Variants in FER1L6 observed in about 807,000 individuals in gnomAD.
The protein encoded by FER1L6 is fer-1 like family member 6, also known as fer-1-like protein 6.
In FER1L6, 177 loss-of-function variants were observed where a neutral mutation model predicts 219.2. The observed-to-expected ratio is 0.81, with a 90% CI of 0.71 to 0.91. The LOEUF (loss-of-function observed/expected upper bound fraction) is 0.91, where lower values mean the gene tolerates loss of function less well. Ranked by LOEUF, FER1L6 falls within the 40% of genes least tolerant of loss-of-function variation. The pLI is 0.00. For missense variants in FER1L6, 2,153 were observed against 2,259.9 expected (o/e 0.95, Z 0.96); for synonymous variants, 768 against 824.3 (o/e 0.93, Z 1.17).
intron 1 of FER1L6, among the ~76,000 whole-genome samples, chr8:123,898,797 A>ATATGTACATACG (rs1554613191): frequency 7.0e-6 from 1 of 143,056 alleles, no homozygotes; most frequent in Non-Finnish European, 1.5e-5. Flanking sequence ...ACATATATAC[A>ATATGTACATACG]TATATACACA....
chr8:124,061,017 G>A (rs559559880), intron 24 of FER1L6, among the ~76,000 whole-genome samples: 4 of 152,262 alleles, frequency 2.6e-5, no homozygotes, highest in South Asian at 2.1e-4. Flanking sequence ...TCTCAGGCCC[G>A]GCTGTTCTGA....
chr8:124,067,656 A>G, intron 27 of FER1L6, 111 bp from the exon 28 acceptor site: 2 of 976,042 alleles, frequency 2.0e-6, no homozygotes, highest in Non-Finnish European at 3.1e-6. Flanking sequence ...GACTGTTTGA[A>G]TACTCTTTTA....
intron 35 of FER1L6, 21 bp from the exon 36 acceptor site, chr8:124,097,250 G>T: frequency 3.1e-6 from 5 of 1,596,198 alleles, no homozygotes; most frequent in Non-Finnish European, 4.3e-6. Flanking sequence ...AGCTAAAGAA[G>T]ATATTTTTTT....
chr8:124,020,363 A>T (rs6983251), intron 16 of FER1L6, among the ~76,000 whole-genome samples: 80,448 of 151,996 alleles, frequency 0.53, 21,792 homozygotes, highest in African/African-American at 0.63. Context: ...AAGTTTGTCA[A>T]GTTCTAGGGC....
intron 22 of FER1L6, among the ~76,000 whole-genome samples, chr8:124,052,165 TG>T (rs1820069371): frequency 6.6e-6 from 1 of 152,224 alleles, no homozygotes; most frequent in African/African-American, 2.4e-5. Context: ...TCAAAACTGT[TG>T]GTCCAGTCTT....
At chr8:124,045,310 T>TTGC (rs1819677846) in intron 20 of FER1L6, among the ~76,000 whole-genome samples, 2 of 152,220 alleles carry the variant, frequency 1.3e-5, no homozygotes, top group African/African-American at 4.8e-5. Flanking sequence ...GTTCTGCCAC[T>TTGC]TGCTGGCTCT....
chr8:123,903,705 G>A (rs966958517), intron 1 of FER1L6, among the ~76,000 whole-genome samples: 5 of 152,136 alleles, frequency 3.3e-5, no homozygotes, highest in Middle Eastern at 3.4e-3. Context: ...CTACGCTTAC[G>A]TATGTTCACA....
chr8:124,045,713 G>A, intron 20 of FER1L6, 54 bp from the exon 21 acceptor site: 1 of 1,592,616 alleles, frequency 6.3e-7, no homozygotes, highest in South Asian at 1.1e-5. Flanking sequence ...GAACCTTAGA[G>A]CCCCTATAAC....
intron 1 of FER1L6, among the ~76,000 whole-genome samples, chr8:123,880,368 G>A (rs1219730934): frequency 6.6e-6 from 1 of 152,154 alleles, no homozygotes; most frequent in Admixed American, 6.5e-5. Flanking sequence ...CCTTGTTTAT[G>A]TCCTCCGTCC....
intron 16 of FER1L6, among the ~76,000 whole-genome samples, chr8:124,019,484 T>C (rs955500781): frequency 4.6e-5 from 7 of 152,192 alleles, no homozygotes; most frequent in Admixed American, 4.6e-4. Context: ...AAAGCATTAT[T>C]TCTTCTCCCT....
At chr8:124,011,048 T>TA (rs1196898282) in intron 14 of FER1L6, among the ~76,000 whole-genome samples, 1 of 152,066 alleles carries the variant, frequency 6.6e-6, no homozygotes, top group Non-Finnish European at 1.5e-5. Flanking sequence ...CTTCAACTAA[T>TA]AAAAAATCCT....
intron 15 of FER1L6, among the ~76,000 whole-genome samples, chr8:124,015,571 CTATATATATATATA>C (rs781161909): frequency 0.01 from 447 of 43,272 alleles, 11 homozygotes; most frequent in Admixed American, 0.015. Flanking sequence ...ATTATAAAAG[CTATATATATATATA>C]TATATATATA....
At position 123,933,446 on chromosome 8, in the gene FER1L6, A is replaced by C. The variant is rs185496915; in HGVS notation, c.-7-22546A>C. Among the ~76,000 whole-genome samples the C allele has an allele frequency of 4.0e-3, 612 of 152,196 alleles. 4 individuals are homozygous for C. Among genetic ancestry groups the C allele is most frequent in the African/African-American group, 0.014 (577 of 41,522 alleles). On this transcript the variant is annotated intron_variant, in intron 1 of 40. Transcript: ENST00000522917. The stretch of plus-strand genomic sequence containing the variant: ...CACTAGCCTATAAGCTGCCAGACAC[A>C]GGGATCAGGTTTTCACTTTCCCCCT...
intron 3 of FER1L6, 88 bp from the exon 4 acceptor site, chr8:123,965,919 A>G: frequency 8.7e-7 from 1 of 1,151,184 alleles, no homozygotes; most frequent in Non-Finnish European, 1.3e-6. Context: ...ATTAAATGAA[A>G]GGACTTAGAA....
At chr8:124,049,951 A>G (rs575186799) in intron 22 of FER1L6, among the ~76,000 whole-genome samples, 195 bp downstream of exon 22, 20 of 152,334 alleles carry the variant, frequency 1.3e-4, no homozygotes, top group East Asian at 7.7e-4. Flanking sequence ...CCCTGAGCTT[A>G]TAAGTCAGAA....
intron 13 of FER1L6, among the ~76,000 whole-genome samples, chr8:124,010,334 C>T (rs527895998): frequency 9.9e-5 from 15 of 152,194 alleles, no homozygotes; most frequent in Middle Eastern, 3.4e-3. Context: ...AAAAAAATCC[C>T]GCCCTCTAGT....
At chr8:123,975,077 CG>C in intron 7 of FER1L6, 72 bp from the exon 8 acceptor site, 1 of 1,373,372 alleles carries the variant, frequency 7.3e-7, no homozygotes. Flanking sequence ...GAGGCCTTGG[CG>C]TGTGGGAGAG....
intron 39 of FER1L6, among the ~76,000 whole-genome samples, chr8:124,105,442 C>T (rs527562235): frequency 6.6e-6 from 1 of 152,242 alleles, no homozygotes; most frequent in Non-Finnish European, 1.5e-5. Flanking sequence ...ATCTGCCTCA[C>T]CTAGGAAACA....
chr8:124,000,632 G>A (rs1817362988), intron 12 of FER1L6, among the ~76,000 whole-genome samples: 1 of 152,114 alleles, frequency 6.6e-6, no homozygotes, highest in Non-Finnish European at 1.5e-5. Flanking sequence ...AAAGTTTAAG[G>A]AGTTAAGGCA....
Sources: allele counts gnomAD v4.1 joint callset (sites outside exome capture counted in the v4.1 genomes callset), GRCh38; gene constraint gnomAD v4.1.1; transcripts MANE v1.5; gene names NCBI Gene and HGNC (gene_info 2026-07-23, HGNC 2026-07-21).